The following REXO5 variants were observed in gnomAD, a reference collection of about 807,000 sequenced individuals.
The protein encoded by REXO5 is exonuclease NEF-sp.
Under a neutral mutation model 88.5 loss-of-function variants are expected in REXO5, and 48 were observed. That is an observed-to-expected ratio of 0.54 (90% CI 0.43 to 0.69). REXO5 has a LOEUF of 0.69. Ranked by LOEUF, REXO5 falls within the 30% of genes least tolerant of loss-of-function variation. The pLI, the probability that REXO5 is intolerant of heterozygous loss-of-function variation, is 0.00. For missense variants in REXO5, 749 were observed against 912.2 expected (o/e 0.82, Z 2.30); for synonymous variants, 311 against 336.5 (o/e 0.92, Z 0.83).
At chr16:20,816,833 G>A (rs2152501581) in intron 5 of REXO5, among the ~76,000 whole-genome samples, 1 of 152,312 alleles carries the variant, frequency 6.6e-6, no homozygotes, top group Admixed American at 6.5e-5. Context: ...GTACCCACCA[G>A]TGTACAGGTG....
intron 15 of REXO5, among the ~76,000 whole-genome samples, chr16:20,842,212 C>T (rs1386024218): frequency 6.6e-6 from 1 of 151,710 alleles, no homozygotes; most frequent in Admixed American, 6.6e-5. Flanking sequence ...CTCCCCCCAG[C>T]CCCTGGTAAT....
At chr16:20,834,394 C>G (rs950487906) in intron 13 of REXO5, among the ~76,000 whole-genome samples, 5 of 152,182 alleles carry the variant, frequency 3.3e-5, no homozygotes, top group Non-Finnish European at 5.9e-5. Context: ...CCACTACACT[C>G]CAGCCTGGGA....
intron 2 of REXO5, 136 bp downstream of exon 2, chr16:20,807,227 AAATGGG>A: frequency 1.0e-6 from 1 of 995,632 alleles, no homozygotes; most frequent in Non-Finnish European, 1.5e-6. Flanking sequence ...CTGATCATTA[AAATGGG>A]AATGAGTGTA....
At chr16:20,845,265 A>T in intron 18 of REXO5, 24 bp downstream of exon 18, 2 of 1,601,210 alleles carry the variant, frequency 1.2e-6, no homozygotes, top group Middle Eastern at 2.0e-4. Context: ...GGCGTCTTGG[A>T]GAAGATGTCA....
At chr16:20,806,805 CG>C (rs778901490) in intron 1 of REXO5, 100 bp downstream of exon 1, 33 of 1,282,764 alleles carry the variant, frequency 2.6e-5, no homozygotes, top group Non-Finnish European at 3.5e-5. Flanking sequence ...TTTAGGGGAA[CG>C]GGGATAGTTC....
At chr16:20,807,215 C>A (rs888951029) in intron 2 of REXO5, 124 bp downstream of exon 2, 2 of 1,084,456 alleles carry the variant, frequency 1.8e-6, no homozygotes, top group African/African-American at 1.6e-5. Context: ...CGAACCTGAT[C>A]CCTGATCATT....
intron 15 of REXO5, among the ~76,000 whole-genome samples, chr16:20,840,803 G>A (rs2081515506): frequency 6.6e-6 from 1 of 152,050 alleles, no homozygotes; most frequent in Non-Finnish European, 1.5e-5. Flanking sequence ...AGACCACATT[G>A]CTACAAACAA....
intron 13 of REXO5, 65 bp from the exon 14 acceptor site, chr16:20,839,690 C>CA: frequency 9.8e-7 from 1 of 1,022,150 alleles, no homozygotes; most frequent in Non-Finnish European, 1.4e-6. Flanking sequence ...TATTGTGGCT[C>CA]ATATCCAGGA....
intron 19 of REXO5, among the ~76,000 whole-genome samples, chr16:20,848,873 CT>C (rs2081651297): frequency 6.6e-6 from 1 of 152,216 alleles, no homozygotes; most frequent in African/African-American, 2.4e-5. Flanking sequence ...GACTAAGACT[CT>C]TTAACAGCAA....
intron 15 of REXO5, 123 bp from the exon 16 acceptor site, chr16:20,843,811 C>T (rs1448626828): frequency 8.1e-6 from 5 of 617,264 alleles, no homozygotes; most frequent in Non-Finnish European, 1.2e-5. Flanking sequence ...CTTGTGTAGC[C>T]CAGCACAGTA....
chr16:20,816,073 C>G (rs767458838), intron 4 of REXO5, 43 bp from the exon 5 acceptor site: 106 of 1,512,454 alleles, frequency 7.0e-5, no homozygotes, highest in Non-Finnish European at 8.7e-5. Context: ...AGTATTTTAG[C>G]TGTTTTCAAC....
chr16:20,832,258 A>G lies in REXO5; in HGVS notation c.1261A>G (p.Ser421Gly). The change falls in exon 12 of 20, where the codon AGT becomes GGT. Residue 421 changes from serine (S) to glycine (G), a missense_variant and splice_region_variant. Transcript: ENST00000261377. ...AGAAGTACTTCAGCACCCAAACACA[A>G]GGTAATATTTTCAGTTTGAAACAAG... is the stretch of plus-strand genomic sequence containing the variant. ...TAEVLQHPNT[S>G]VLECLDSVGQ... 2 of 1,595,984 alleles carry G rather than the reference A, an allele frequency of 1.3e-6. No homozygotes were observed. Among genetic ancestry groups the G allele is most frequent in the Non-Finnish European group, 1.7e-6 (2 of 1,167,578 alleles).
intron 2 of REXO5, among the ~76,000 whole-genome samples, chr16:20,812,440 G>A (rs539006891): frequency 2.6e-5 from 4 of 152,150 alleles, no homozygotes; most frequent in Non-Finnish European, 5.9e-5. Flanking sequence ...CAGGAGGATC[G>A]CTTGAGCCTG....
At chr16:20,836,526 C>G (rs567654750) in intron 13 of REXO5, among the ~76,000 whole-genome samples, 89 of 152,242 alleles carry the variant, frequency 5.8e-4, no homozygotes, top group African/African-American at 2.1e-3. Context: ...ATCCATTCAC[C>G]TGCTGATAGA....
chr16:20,817,114 A>T (rs1438235994), intron 5 of REXO5, among the ~76,000 whole-genome samples: 2 of 152,202 alleles, frequency 1.3e-5, no homozygotes, highest in Non-Finnish European at 2.9e-5. Flanking sequence ...TTGTGTTCAG[A>T]AATAATTAAT....
upstream of REXO5, chr16:20,806,459 A>G (rs758192694): frequency 9.0e-6 from 14 of 1,551,438 alleles, no homozygotes; most frequent in Non-Finnish European, 1.2e-5. Context: ...TTCCAAGTCC[A>G]GCTGCCGGAA....
At chr16:20,843,129 C>G (rs547129569) in intron 15 of REXO5, among the ~76,000 whole-genome samples, 1 of 152,298 alleles carries the variant, frequency 6.6e-6, no homozygotes, top group African/African-American at 2.4e-5. Flanking sequence ...ACATCTTTTA[C>G]AGCAAAGTCT....
In REXO5 at chr16:20,827,193, G is replaced by A; in HGVS notation, c.957G>A (p.Leu319=). 6.2e-7 allele frequency: 1 copy of A among 1,614,136 alleles called. No individual in the cohort carries two copies. Among genetic ancestry groups the A allele is most frequent in the Non-Finnish European group, 8.5e-7 (1 of 1,179,998 alleles). ...CCTTAGATTTGGATCTCAGAGCACT[G>A]AAAGTGAGTATCTGATTTAGGACTT... The part of the protein sequence containing the change: ...GHSLDLDLRA[L]KMIHPYVIDT... Residue 319 remains leucine, a synonymous_variant, in exon 9 of 20, where the codon CTG becomes CTA. Transcript: ENST00000261377.
chr16:20,840,056 A>C (rs2081502292), intron 14 of REXO5, 197 bp downstream of exon 14: 1 of 552,514 alleles, frequency 1.8e-6, no homozygotes, highest in African/African-American at 1.9e-5. Context: ...TTATTTTTTC[A>C]TTTAACAGTA....
Sources: gnomAD v4.1 joint callset for allele counts (sites outside exome capture counted in the v4.1 genomes callset) on GRCh38, gnomAD v4.1.1 for gene constraint, MANE v1.5 for transcripts, NCBI Gene and HGNC (gene_info 2026-07-23, HGNC 2026-07-21) for gene names.